Variants in AGMO observed in about 807,000 individuals in gnomAD.
AGMO encodes glyceryl-ether monooxygenase.
A neutral mutation model predicts 60.2 loss-of-function variants in AGMO; 75 were observed. The ratio of observed to expected loss-of-function variants is 1.25; its 90% confidence interval spans 1.03 to 1.51. AGMO has a LOEUF of 1.51. Among genes scored for constraint, AGMO ranks in the 40% most tolerant of loss-of-function variants. AGMO has a pLI of 0.00. For synonymous variants in AGMO, 261 were observed against 177.1 expected (o/e 1.47, Z -3.76); for missense variants, 763 against 525.5 (o/e 1.45, Z -4.42).
At chr7:15,234,589 T>C (rs1782364251) in intron 12 of AGMO, among the ~76,000 whole-genome samples, 1 of 152,202 alleles carries the variant, frequency 6.6e-6, no homozygotes, top group Admixed American at 6.5e-5. Context: ...AAGTTGTTGA[T>C]CTATAGCTGG....
intron 8 of AGMO, among the ~76,000 whole-genome samples, chr7:15,387,904 C>CTTTTT (rs11437914): frequency 7.3e-6 from 1 of 137,636 alleles, no homozygotes; most frequent in African/African-American, 2.7e-5. Flanking sequence ...GACACATTCT[C>CTTTTT]TTTTTTTTTT....
intron 12 of AGMO, among the ~76,000 whole-genome samples, chr7:15,361,488 C>T (rs183909038): frequency 3.1e-5 from 4 of 130,304 alleles, no homozygotes; most frequent in Admixed American, 2.5e-4. Flanking sequence ...TGCAGTGAGC[C>T]GAGATCGCGC....
At chr7:15,246,492 A>C (rs1035511526) in intron 12 of AGMO, among the ~76,000 whole-genome samples, 3 of 152,174 alleles carry the variant, frequency 2.0e-5, no homozygotes, top group Non-Finnish European at 4.4e-5. Context: ...TCCACAAATG[A>C]TGTTGCATTC....
intron 3 of AGMO, among the ~76,000 whole-genome samples, chr7:15,440,229 T>C (rs1781513559): frequency 6.6e-6 from 1 of 152,178 alleles, no homozygotes; most frequent in African/African-American, 2.4e-5. Context: ...CAGGCAGATC[T>C]GAGAACACAA....
intron 8 of AGMO, among the ~76,000 whole-genome samples, chr7:15,389,934 C>A (rs1784069371): frequency 6.6e-6 from 1 of 152,198 alleles, no homozygotes; most frequent in African/African-American, 2.4e-5. Context: ...GCTGACCCAA[C>A]ATGAGCCAGT....
At chr7:15,354,831 T>A (rs1224336195) in intron 12 of AGMO, among the ~76,000 whole-genome samples, 1 of 151,016 alleles carries the variant, frequency 6.6e-6, no homozygotes, top group Non-Finnish European at 1.5e-5. Flanking sequence ...TTCACGAGAA[T>A]TTGTTTTCTA....
intron 10 of AGMO, among the ~76,000 whole-genome samples, chr7:15,378,235 A>G (rs1445251364): frequency 6.6e-6 from 1 of 152,028 alleles, no homozygotes; most frequent in Non-Finnish European, 1.5e-5. Flanking sequence ...GACAGCACAT[A>G]CAAACTTATC....
At chr7:15,227,181 C>G (rs951574997) in intron 12 of AGMO, among the ~76,000 whole-genome samples, 1 of 151,988 alleles carries the variant, frequency 6.6e-6, no homozygotes, top group Non-Finnish European at 1.5e-5. Context: ...TAACTTAGTA[C>G]GTAACCAAAT....
the AGMO span, among the ~76,000 whole-genome samples, chr7:15,184,309 G>A: frequency 2.1e-3 from 196 of 92,108 alleles, 43 homozygotes; most frequent in Non-Finnish European, 2.9e-3. Flanking sequence ...CAGGCAGGGA[G>A]GGAGGGAAGG....
At chr7:15,394,940 A>T (rs1381770550) in intron 5 of AGMO, among the ~76,000 whole-genome samples, 1 of 152,186 alleles carries the variant, frequency 6.6e-6, no homozygotes, top group Admixed American at 6.5e-5. Flanking sequence ...CATTTCTTAG[A>T]TTCCCCTAGT....
intron 5 of AGMO, among the ~76,000 whole-genome samples, chr7:15,415,821 A>T (rs112168001): frequency 6.6e-6 from 1 of 152,042 alleles, no homozygotes; most frequent in Non-Finnish European, 1.5e-5. Context: ...AAATAAAAAG[A>T]TTTTCTTGCT....
intron 12 of AGMO, among the ~76,000 whole-genome samples, chr7:15,201,666 T>C (rs796656496): frequency 6.6e-6 from 1 of 152,172 alleles, no homozygotes; most frequent in Non-Finnish European, 1.5e-5. Flanking sequence ...CTTCTGACAT[T>C]TGGAGATACA....
chr7:15,356,776 T>C (rs1047820025), intron 12 of AGMO, among the ~76,000 whole-genome samples: 1 of 151,806 alleles, frequency 6.6e-6, no homozygotes, highest in African/African-American at 2.4e-5. Context: ...AAAACTAATA[T>C]AGCTACTACT....
chr7:15,542,761 G>A (rs1438587985), intron 3 of AGMO, among the ~76,000 whole-genome samples: 2 of 152,094 alleles, frequency 1.3e-5, no homozygotes, highest in African/African-American at 4.8e-5. Context: ...GTTTGATTTT[G>A]GAGTAGCCTT....
intron 3 of AGMO, among the ~76,000 whole-genome samples, chr7:15,538,481 G>A (rs1784534676): frequency 6.6e-6 from 1 of 152,068 alleles, no homozygotes; most frequent in Non-Finnish European, 1.5e-5. Flanking sequence ...CTATCCTCCT[G>A]CCTTGGTCTC....
the AGMO span, among the ~76,000 whole-genome samples, chr7:15,153,206 T>C: frequency 6.6e-6 from 1 of 151,850 alleles, no homozygotes; most frequent in Non-Finnish European, 1.5e-5. Flanking sequence ...CTTTTCTTGC[T>C]GATTTGTTTA....
chr7:15,419,684 T>A (rs997771364), intron 4 of AGMO, among the ~76,000 whole-genome samples: 4 of 149,230 alleles, frequency 2.7e-5, no homozygotes, highest in African/African-American at 7.4e-5. Context: ...GTTTTTTTTT[T>A]AATATAAACA....
At chr7:15,298,782 A>G (rs1784473867) in intron 12 of AGMO, among the ~76,000 whole-genome samples, 1 of 152,160 alleles carries the variant, frequency 6.6e-6, no homozygotes, top group Non-Finnish European at 1.5e-5. Context: ...TCTAATAGAG[A>G]AACAATGACC....
At position 15,387,395 on chromosome 7, in the gene AGMO, A is replaced by G; in HGVS notation, c.957+11T>C. On this transcript the variant is annotated intron_variant, in intron 9 of 12. Coordinates refer to ENST00000342526, the MANE Select transcript of AGMO (RefSeq NM_001004320.2). ...ATCTTCACCATCTCCAATTCTGTGA[A>G]CTCTATTTACCTCTGGAATTTCTTC... 6.2e-7 allele frequency: 1 copy of G among 1,609,748 alleles called. No homozygotes were observed. Among genetic ancestry groups the G allele is most frequent in the Non-Finnish European group, 8.5e-7 (1 of 1,178,328 alleles).
Sources: gnomAD v4.1 joint callset for allele counts (sites outside exome capture counted in the v4.1 genomes callset) on GRCh38, gnomAD v4.1.1 for gene constraint, MANE v1.5 for transcripts, NCBI Gene and HGNC (gene_info 2026-07-23, HGNC 2026-07-21) for gene names.